The following PRKN variants were observed in gnomAD, a reference collection of about 807,000 sequenced individuals.
PRKN encodes the protein parkin RBR E3 ubiquitin protein ligase, also known as E3 ubiquitin-protein ligase parkin.
PRKN carries 56 observed loss-of-function variants against 59.5 expected under a neutral mutation model. The ratio of observed to expected loss-of-function variants is 0.94; its 90% confidence interval spans 0.76 to 1.18. PRKN has a LOEUF of 1.18. PRKN is among the 50% of genes most tolerant of loss of function. The pLI is 0.00. For missense variants in PRKN, 657 were observed against 596.4 expected (o/e 1.10, Z -1.06); for synonymous variants, 250 against 222.1 (o/e 1.13, Z -1.12).
Position 162,588,987 on chromosome 6 carries a change from G to C in PRKN, c.7+138675C>G, listed in dbSNP as rs1781190486. ...TGAGTGTGGACCGGATGAAAGCTGA[G>C]GTCACCATCCTCTCACTCTCTTCCA... On this transcript the variant is annotated intron_variant, in intron 1 of 11. Coordinates refer to ENST00000366898, the MANE Select transcript of PRKN (RefSeq NM_004562.3). Among the ~76,000 whole-genome samples, 3 of 152,198 alleles carry C rather than the reference G, an allele frequency of 2.0e-5. 1 individual carries two copies. In the South Asian group the frequency reaches 6.2e-4, roughly 32 times the overall value.
intron 1 of PRKN, among the ~76,000 whole-genome samples, chr6:162,527,424 T>A (rs532227388): frequency 1.3e-4 from 20 of 152,286 alleles, no homozygotes; most frequent in African/African-American, 4.3e-4. Context: ...AATAAAATAG[T>A]TACAAAGGTT....
chr6:162,364,979 CTTTT>C (rs574680485), intron 2 of PRKN, among the ~76,000 whole-genome samples: 43 of 126,806 alleles, frequency 3.4e-4, no homozygotes, highest in Admixed American at 2.8e-3. Flanking sequence ...CTCTCTCTCT[CTTTT>C]TTTTTTTTTT....
chr6:161,782,024 T>C (rs752046103), intron 7 of PRKN, among the ~76,000 whole-genome samples: 2 of 152,180 alleles, frequency 1.3e-5, no homozygotes, highest in Non-Finnish European at 2.9e-5. Flanking sequence ...GTAAAATAAA[T>C]ACACATTTTC....
At chr6:162,268,228 T>C (rs1275765711) in intron 2 of PRKN, among the ~76,000 whole-genome samples, 1 of 152,216 alleles carries the variant, frequency 6.6e-6, no homozygotes, top group Non-Finnish European at 1.5e-5. Context: ...TTGTTTCAAC[T>C]TAACCATCAA....
At chr6:162,006,667 C>T (rs774351944) in intron 5 of PRKN, among the ~76,000 whole-genome samples, 28 of 152,238 alleles carry the variant, frequency 1.8e-4, no homozygotes, top group Middle Eastern at 3.4e-3. Flanking sequence ...TCTCATTAGC[C>T]GAGAGAGCTC....
intron 2 of PRKN, among the ~76,000 whole-genome samples, chr6:162,396,529 G>A (rs976286062): frequency 1.3e-5 from 2 of 152,128 alleles, no homozygotes; most frequent in African/African-American, 4.8e-5. Flanking sequence ...CTCGTGACAA[G>A]GACCTTGTCT....
At chr6:162,437,966 G>C (rs1319581906) in intron 2 of PRKN, among the ~76,000 whole-genome samples, 1 of 152,058 alleles carries the variant, frequency 6.6e-6, no homozygotes, top group Non-Finnish European at 1.5e-5. Flanking sequence ...TCTGTCATCT[G>C]GTAAATACAT....
intron 3 of PRKN, among the ~76,000 whole-genome samples, chr6:162,224,178 A>G (rs549196079): frequency 2.2e-4 from 33 of 152,298 alleles, no homozygotes; most frequent in Admixed American, 2.0e-3. Context: ...TTTGGCATAT[A>G]GATACACTGA....
At chr6:161,760,858 C>T (rs1357530631) in intron 7 of PRKN, among the ~76,000 whole-genome samples, 1 of 152,230 alleles carries the variant, frequency 6.6e-6, no homozygotes, top group Non-Finnish European at 1.5e-5. Context: ...TTTCAGCCTA[C>T]ACCCGCACAT....
intron 4 of PRKN, among the ~76,000 whole-genome samples, chr6:162,162,073 A>G (rs1782782774): frequency 6.6e-6 from 1 of 152,074 alleles, no homozygotes; most frequent in Admixed American, 6.6e-5. Context: ...TATAAAAACT[A>G]TTTGCATTTT....
chr6:161,374,569 GT>G (rs1785583147), intron 10 of PRKN, among the ~76,000 whole-genome samples: 5 of 5,978 alleles, frequency 8.4e-4, no homozygotes. Context: ...TGTGTGGTGT[GT>G]GTAATGGGTG....
At chr6:162,143,067 A>G (rs895412288) in intron 4 of PRKN, among the ~76,000 whole-genome samples, 3 of 152,186 alleles carry the variant, frequency 2.0e-5, no homozygotes, top group Non-Finnish European at 1.5e-5. Flanking sequence ...ATTTATTTAT[A>G]CATGTGAGAA....
At chr6:161,594,672 A>C (rs956584510) in intron 7 of PRKN, among the ~76,000 whole-genome samples, 2 of 152,256 alleles carry the variant, frequency 1.3e-5, no homozygotes, top group African/African-American at 4.8e-5. Context: ...TAACACTTAC[A>C]CAGTTAAAAT....
chr6:162,397,799 G>A lies in PRKN; in HGVS notation c.171+45511C>T, dbSNP rs533530782. On this transcript the variant is annotated intron_variant, in intron 2 of 11. Transcript: ENST00000366898. ...TGCCTGTAATCCTAGCACTTTGGGA[G>A]GCCAAGGTGGGTGGATCACTTGAGG... Among the ~76,000 whole-genome samples the A allele has an allele frequency of 1.4e-4, 21 of 152,218 alleles. No individual in the cohort carries two copies. The South Asian group carries it at 3.9e-3, about 29-fold the overall frequency.
chr6:161,627,350 C>A (rs1478087876), intron 7 of PRKN, among the ~76,000 whole-genome samples: 1 of 152,218 alleles, frequency 6.6e-6, no homozygotes, highest in Non-Finnish European at 1.5e-5. Flanking sequence ...TGAAAGAACT[C>A]TACCTACTTT....
chr6:162,380,440 TATATATGTATATATACACAC>T (rs1786383854), intron 2 of PRKN, among the ~76,000 whole-genome samples: 1 of 76,494 alleles, frequency 1.3e-5, no homozygotes, highest in South Asian at 4.1e-4. Flanking sequence ...TGTGTATATA[TATATATGTATATATACACAC>T]ATATATATGT....
intron 1 of PRKN, among the ~76,000 whole-genome samples, chr6:162,592,603 C>T (rs1012035041): frequency 6.6e-6 from 1 of 152,114 alleles, no homozygotes; most frequent in Non-Finnish European, 1.5e-5. Context: ...AAAACAGACA[C>T]AACCAAAAGA....
At chr6:161,635,044 A>C (rs1783463136) in intron 7 of PRKN, among the ~76,000 whole-genome samples, 1 of 152,150 alleles carries the variant, frequency 6.6e-6, no homozygotes, top group Non-Finnish European at 1.5e-5. Flanking sequence ...GCCGTAATTA[A>C]AACGGGAGAC....
Position 161,352,820 on chromosome 6 carries a change from G to C in PRKN, c.1286-2609C>G, listed in dbSNP as rs181648589. On this transcript the variant is annotated intron_variant, in intron 11 of 11. Coordinates refer to ENST00000366898, the MANE Select transcript of PRKN (RefSeq NM_004562.3). The surrounding 1 kb of genome is among the most constrained non-coding windows in gnomAD (Gnocchi z 5.8). ...TTTTGAGATGGAGTCTCGCTCTGTC[G>C]CCCAGGCTGGAGTACAGGGCGCGAT... is the stretch of plus-strand genomic sequence containing the variant. 6.7e-6 allele frequency among the ~76,000 whole-genome samples: 1 copy of C among 148,278 alleles called. No individual in the cohort carries two copies. The highest frequency in any genetic ancestry group is 1.5e-5 in the Non-Finnish European group (1 of 67,434).
Sources: gnomAD v4.1 joint callset for allele counts (sites outside exome capture counted in the v4.1 genomes callset) on GRCh38, gnomAD v4.1.1 for gene constraint, Gnocchi (gnomAD v3.1) non-coding constraint, MANE v1.5 for transcripts, NCBI Gene and HGNC (gene_info 2026-07-23, HGNC 2026-07-21) for gene names.